ADGRL2: variants seen among roughly 807,000 people sequenced by gnomAD.
ADGRL2 encodes adhesion G protein-coupled receptor L2, also known as calcium-independent alpha-latrotoxin receptor 2.
A neutral mutation model predicts 157.4 loss-of-function variants in ADGRL2; 44 were observed. That is an observed-to-expected ratio of 0.28 (90% CI 0.22 to 0.36). ADGRL2 has a LOEUF of 0.36. ADGRL2 is among the 10% of genes least tolerant of loss of function. The pLI is 1.00. For synonymous variants in ADGRL2, 585 were observed against 624.7 expected, an observed-to-expected ratio of 0.94 and a Z score of 0.95; for missense variants, 1,510 against 1,768.9, an observed-to-expected ratio of 0.85 and a Z score of 2.63.
intron 1 of ADGRL2, among the ~76,000 whole-genome samples, chr1:81,440,099 G>A (rs1403032994): frequency 6.6e-6 from 1 of 152,204 alleles, no homozygotes; most frequent in African/African-American, 2.4e-5. Flanking sequence ...GTACGACAAT[G>A]TAGAAAACCA....
At chr1:81,514,638 C>T (rs893513181) in intron 2 of ADGRL2, 1 of 151,560 alleles carries the variant, frequency 6.6e-6, no homozygotes, top group African/African-American at 2.4e-5. Context: ...ACAGTTGTAT[C>T]AAAATCTTGT....
chr1:81,955,812 G>T (rs1653329810), intron 10 of ADGRL2, 65 bp from the exon 11 acceptor site: 4 of 953,022 alleles, frequency 4.2e-6, no homozygotes, highest in Non-Finnish European at 4.7e-6. Flanking sequence ...TCACTCATCA[G>T]CTACTGAAAA....
At chr1:81,806,473 G>A (rs1416339033) in intron 1 of ADGRL2, among the ~76,000 whole-genome samples, 2 of 151,932 alleles carry the variant, frequency 1.3e-5, no homozygotes, top group Non-Finnish European at 2.9e-5. Flanking sequence ...GATCATTATT[G>A]AAGCTTTCTG....
At chr1:81,751,476 A>T (rs889031832) in intron 1 of ADGRL2, among the ~76,000 whole-genome samples, 7 of 152,206 alleles carry the variant, frequency 4.6e-5, no homozygotes, top group African/African-American at 1.4e-4. Flanking sequence ...CTAAACAAGG[A>T]GCATCTTACA....
At chr1:81,686,895 G>A (rs1363524617) in intron 3 of ADGRL2, among the ~76,000 whole-genome samples, 1 of 152,076 alleles carries the variant, frequency 6.6e-6, no homozygotes, top group African/African-American at 2.4e-5. Flanking sequence ...TTTGACCCAA[G>A]ATCATTCAGG....
At chr1:81,766,847 G>GAAAAAAAAAA (rs66946051) in intron 2 of ADGRL2, among the ~76,000 whole-genome samples, 5 of 117,818 alleles carry the variant, frequency 4.2e-5, no homozygotes, top group Non-Finnish European at 5.3e-5. Context: ...AAAAAAAAAG[G>GAAAAAAAAAA]AAAAAAAAAA....
chr1:81,616,426 A>C (rs2148690142), intron 3 of ADGRL2, among the ~76,000 whole-genome samples: 1 of 152,254 alleles, frequency 6.6e-6, no homozygotes, highest in Middle Eastern at 3.4e-3. Flanking sequence ...CTGGTTGCCT[A>C]TTGGGGCTCG....
At chr1:81,475,374 T>C (rs1046075894) in intron 2 of ADGRL2, among the ~76,000 whole-genome samples, 4 of 152,156 alleles carry the variant, frequency 2.6e-5, no homozygotes, top group African/African-American at 9.7e-5. Flanking sequence ...TTGACAACTC[T>C]TCCTCTTTCT....
At position 81,802,395 on chromosome 1, in the gene ADGRL2, G is replaced by C. The variant is rs1454057667; in HGVS notation, c.-101+1327G>C. On this transcript the variant is annotated intron_variant, in intron 1 of 23. Transcript: ENST00000686636. ...CCCAGGGGGAGACCCGCGCTCGCTC[G>C]GGCTGCTCGCTCCCTCCCCCCAATC... is the stretch of plus-strand genomic sequence containing the variant. Among the ~76,000 whole-genome samples, 13 of 152,018 alleles carry C rather than the reference G, an allele frequency of 8.6e-5. No homozygotes were observed. In the East Asian group the frequency reaches 2.2e-3, roughly 25 times the overall value.
intron 1 of ADGRL2, among the ~76,000 whole-genome samples, chr1:81,745,825 G>T (rs2085227271): frequency 1.3e-5 from 2 of 152,088 alleles, no homozygotes; most frequent in South Asian, 4.1e-4. Context: ...ATCCAAATTT[G>T]CCATCCAGGG....
At chr1:81,879,527 A>C (rs909553870) in intron 2 of ADGRL2, among the ~76,000 whole-genome samples, 6 of 152,144 alleles carry the variant, frequency 3.9e-5, no homozygotes, top group Non-Finnish European at 7.4e-5. Context: ...AAAAAAAAAA[A>C]AACAACTTAA....
At chr1:81,344,060 T>A (rs1317151353) in intron 1 of ADGRL2, among the ~76,000 whole-genome samples, 2 of 152,070 alleles carry the variant, frequency 1.3e-5, no homozygotes. Context: ...GGTCATTATA[T>A]TACAAAGAAA....
chr1:81,727,154 G>C (rs1022142384), intron 1 of ADGRL2, among the ~76,000 whole-genome samples: 3 of 152,064 alleles, frequency 2.0e-5, no homozygotes, highest in East Asian at 1.9e-4. Flanking sequence ...AGACAGGCAG[G>C]GTTCTTGCCC....
intron 2 of ADGRL2, among the ~76,000 whole-genome samples, chr1:81,498,116 T>C (rs1219547345): frequency 6.6e-6 from 1 of 152,164 alleles, no homozygotes; most frequent in Non-Finnish European, 1.5e-5. Flanking sequence ...GACTATTCCA[T>C]TGGTAGATGG....
At chr1:81,416,209 G>A (rs185823380) in intron 1 of ADGRL2, among the ~76,000 whole-genome samples, 2 of 151,902 alleles carry the variant, frequency 1.3e-5, no homozygotes, top group East Asian at 3.9e-4. Context: ...ATTTGTAAGG[G>A]TGAAAACAGT....
At chr1:81,732,413 A>T (rs1335038562) in intron 1 of ADGRL2, among the ~76,000 whole-genome samples, 5 of 152,198 alleles carry the variant, frequency 3.3e-5, no homozygotes, top group East Asian at 3.8e-4. Flanking sequence ...TACCAATATC[A>T]TTATTAATAT....
At chr1:81,691,920 G>GTA (rs1157358093) in intron 3 of ADGRL2, among the ~76,000 whole-genome samples, 89 of 130,042 alleles carry the variant, frequency 6.8e-4, no homozygotes, top group Middle Eastern at 4.3e-3. Context: ...ATATATGTGT[G>GTA]TATATATATA....
chr1:81,421,355 A>G lies in ADGRL2; in HGVS notation c.-301-23681A>G, dbSNP rs563002410. Among the ~76,000 whole-genome samples the G allele has an allele frequency of 1.8e-4, 28 of 152,314 alleles. No homozygotes were observed. In the South Asian group the frequency reaches 3.3e-3, roughly 18 times the overall value. On this transcript the variant is annotated intron_variant, in intron 1 of 24. Coordinates refer to the ADGRL2 transcript ENST00000370721. ...CATACTGATTCAAAACTAAAATTGT[A>G]CAATAATGGATGCCTAAGGTAGTGT...
chr1:81,600,978 T>A (rs2081322676), intron 3 of ADGRL2, among the ~76,000 whole-genome samples: 1 of 152,182 alleles, frequency 6.6e-6, no homozygotes, highest in African/African-American at 2.4e-5. Context: ...AAAGGAACAG[T>A]CAGTCTGAAA....
Sources: gnomAD v4.1 joint callset for allele counts (sites outside exome capture counted in the v4.1 genomes callset) on GRCh38, gnomAD v4.1.1 for gene constraint, MANE v1.5 for transcripts, NCBI Gene and HGNC (gene_info 2026-07-23, HGNC 2026-07-21) for gene names.